The following ADGRL3 variants were observed in gnomAD, a reference collection of about 807,000 sequenced individuals.
ADGRL3 encodes the protein adhesion G protein-coupled receptor L3.
In ADGRL3, 62 loss-of-function variants were observed where a neutral mutation model predicts 153.5. That is an observed-to-expected ratio of 0.40 (90% CI 0.33 to 0.50). The LOEUF is 0.50. Ranked by LOEUF, ADGRL3 falls within the 20% of genes least tolerant of loss-of-function variation. The probability of loss-of-function intolerance (pLI) is 0.47; values close to 1 mark genes in which losing one functional copy is unlikely to be tolerated. For synonymous variants in ADGRL3, 710 were observed against 672.5 expected (o/e 1.06, Z -0.86); for missense variants, 1,641 against 1,859.4 (o/e 0.88, Z 2.16).
intron 4 of ADGRL3, among the ~76,000 whole-genome samples, chr4:61,572,994 C>T (rs1478139622): frequency 6.6e-6 from 1 of 151,872 alleles, no homozygotes; most frequent in Non-Finnish European, 1.5e-5. Context: ...TCTTAGGGCA[C>T]TTGTAAAATA....
chr4:61,574,250 A>C (rs77415089), intron 4 of ADGRL3, among the ~76,000 whole-genome samples: 4,270 of 152,012 alleles, frequency 0.028, 76 homozygotes, highest in Non-Finnish European at 0.042. Context: ...GCATCTGTGT[A>C]TATGTGTGTG....
At chr4:61,863,644 G>A (rs2149307647) in intron 9 of ADGRL3, among the ~76,000 whole-genome samples, 2 of 151,896 alleles carry the variant, frequency 1.3e-5, no homozygotes, top group Non-Finnish European at 2.9e-5. Context: ...ATATGAAATA[G>A]CTTTCTTTTC....
Position 62,037,734 on chromosome 4 carries a change from C to T in ADGRL3, c.3595C>T (p.Arg1199Ter). Residue 1199 changes from arginine to a stop codon, truncating the protein, a stop_gained, in exon 24 of 27, where the codon CGA becomes TGA. Coordinates refer to ENST00000683033, the MANE Select transcript of ADGRL3 (RefSeq NM_001387552.1). LOFTEE classifies it high-confidence loss of function. ...AAGTTAATATTTAATTGGCTAGGTACGAAAAGAGTATGGGAAATGCCTGCG... is the reference window on the plus strand; with the variant it reads ...AAGTTAATATTTAATTGGCTAGGTATGAAAAGAGTATGGGAAATGCCTGCG... ...IFHCVLQKKV[R>*]KEYGKCLRTH... 1 of 1,613,494 alleles carries T rather than the reference C, an allele frequency of 6.2e-7. No homozygotes were observed. The highest frequency in any genetic ancestry group is 1.3e-5 in the African/African-American group (1 of 74,970).
intron 2 of ADGRL3, among the ~76,000 whole-genome samples, chr4:61,465,579 A>T (rs1414095446): frequency 4.0e-5 from 6 of 151,380 alleles, no homozygotes; most frequent in Non-Finnish European, 7.4e-5. Flanking sequence ...TCTATTTTTT[A>T]AATTAAATGT....
At chr4:61,610,875 G>T (rs954228404) in intron 5 of ADGRL3, among the ~76,000 whole-genome samples, 7 of 151,810 alleles carry the variant, frequency 4.6e-5, no homozygotes, top group Non-Finnish European at 1.0e-4. Context: ...GGTGTAGAGT[G>T]TTTGCATATA....
chr4:61,639,083 CA>C (rs2150135260), intron 5 of ADGRL3, among the ~76,000 whole-genome samples: 1 of 152,096 alleles, frequency 6.6e-6, no homozygotes, highest in South Asian at 2.1e-4. Context: ...GCCAGAAAAC[CA>C]AAGACAATAG....
intron 1 of ADGRL3, among the ~76,000 whole-genome samples, chr4:61,258,348 C>T (rs564999113): frequency 5.5e-4 from 84 of 152,274 alleles, no homozygotes; most frequent in African/African-American, 1.9e-3. Context: ...CCAGGATCCC[C>T]TGGAATTCAT....
chr4:61,663,279 C>T (rs1047196865), intron 5 of ADGRL3, among the ~76,000 whole-genome samples: 1 of 152,230 alleles, frequency 6.6e-6, no homozygotes, highest in Non-Finnish European at 1.5e-5. Context: ...AGGGCTGTGA[C>T]ACCCTCTTTG....
At chr4:61,337,541 G>A (rs1197996348) in intron 1 of ADGRL3, among the ~76,000 whole-genome samples, 2 of 152,006 alleles carry the variant, frequency 1.3e-5, no homozygotes, top group African/African-American at 4.8e-5. Flanking sequence ...GAAGATCAAG[G>A]GACTACCTTC....
chr4:61,532,337 T>G (rs527692110), intron 4 of ADGRL3, among the ~76,000 whole-genome samples: 1 of 152,254 alleles, frequency 6.6e-6, no homozygotes, highest in African/African-American at 2.4e-5. Context: ...GGGACTCAGC[T>G]TTTCAAGTTA....
At position 61,392,680 on chromosome 4, in the gene ADGRL3, A is replaced by G. The variant is rs1465561459; in HGVS notation, c.-174+9491A>G. ...CAGCCTGGTGACAGAGCGAGACTCC[A>G]TCTCAAAAAAAAAAAAAAAAAAAAA... On this transcript the variant is annotated intron_variant, in intron 2 of 26. Coordinates refer to ENST00000683033, the MANE Select transcript of ADGRL3 (RefSeq NM_001387552.1). Among the ~76,000 whole-genome samples, 203 of 138,872 alleles carry G rather than the reference A, an allele frequency of 1.5e-3. 1 individual carries two copies. Among genetic ancestry groups the G allele is most frequent in the African/African-American group, 5.6e-3 (195 of 34,990 alleles). The allele number at this position is 138,872 out of a possible 152,430, so 91.1% of individuals were successfully genotyped here.
chr4:61,549,907 A>G lies in ADGRL3; in HGVS notation c.259+32389A>G, dbSNP rs1012472502. 3.3e-5 allele frequency among the ~76,000 whole-genome samples: 5 copies of G among 152,002 alleles called. No homozygotes were observed. The East Asian group carries it at 9.6e-4, about 29-fold the overall frequency. ...TATTGATACACATTTCAACCCAGCA[A>G]TGAATTCTTATATTTAAATAAAATT... On this transcript the variant is annotated intron_variant, in intron 4 of 26. Transcript: ENST00000683033.
chr4:61,713,344 T>G (rs1310855147), intron 6 of ADGRL3, among the ~76,000 whole-genome samples: 3 of 151,992 alleles, frequency 2.0e-5, no homozygotes, highest in African/African-American at 7.2e-5. Flanking sequence ...CATCATTAAG[T>G]TCATTAAGCT....
chr4:61,304,525 T>C (rs989828102), intron 1 of ADGRL3, among the ~76,000 whole-genome samples: 2 of 152,190 alleles, frequency 1.3e-5, no homozygotes, highest in African/African-American at 4.8e-5. Context: ...CCTTTAACTG[T>C]GTGTGGAGGT....
chr4:61,936,524 C>T (rs538812921), intron 15 of ADGRL3, among the ~76,000 whole-genome samples: 92 of 151,998 alleles, frequency 6.1e-4, no homozygotes, highest in Non-Finnish European at 1.1e-3. Context: ...GGAAATTGAA[C>T]TGTAAATCAG....
At chr4:61,904,189 A>AT (rs915190790) in intron 11 of ADGRL3, among the ~76,000 whole-genome samples, 1 of 151,758 alleles carries the variant, frequency 6.6e-6, no homozygotes, top group Non-Finnish European at 1.5e-5. Context: ...AAAAAAAAAA[A>AT]AAAACACTTC....
intron 21 of ADGRL3, among the ~76,000 whole-genome samples, chr4:61,998,662 T>A (rs1024433715): frequency 2.0e-5 from 3 of 151,378 alleles, no homozygotes; most frequent in Non-Finnish European, 4.4e-5. Context: ...TGCAACCTCC[T>A]CCTCCCCGAT....
chr4:61,419,803 T>G (rs1478925124), intron 2 of ADGRL3, among the ~76,000 whole-genome samples: 2 of 152,070 alleles, frequency 1.3e-5, no homozygotes, highest in East Asian at 3.8e-4. Flanking sequence ...TAGATTTTTT[T>G]TTTTTTTTGA....
At chr4:61,844,226 A>G (rs891296865) in intron 9 of ADGRL3, among the ~76,000 whole-genome samples, 1 of 152,014 alleles carries the variant, frequency 6.6e-6, no homozygotes, top group East Asian at 1.9e-4. Flanking sequence ...CAGTCAAAAA[A>G]GGGTTTCAGA....
Sources: gnomAD v4.1 joint callset for allele counts (sites outside exome capture counted in the v4.1 genomes callset) on GRCh38, gnomAD v4.1.1 for gene constraint, MANE v1.5 for transcripts, NCBI Gene and HGNC (gene_info 2026-07-23, HGNC 2026-07-21) for gene names.